TAF1: variants seen among roughly 807,000 people sequenced by gnomAD.
The protein encoded by TAF1 is transcription initiation factor TFIID subunit 1.
A neutral mutation model predicts 138.5 loss-of-function variants in TAF1; 2 were observed. The ratio of observed to expected loss-of-function variants is 0.01; its 90% CI spans 0.01 to 0.05. The LOEUF is 0.05. Among genes scored for constraint, TAF1 ranks in the 10% least tolerant of loss-of-function variants. The pLI is 1.00. For missense variants in TAF1, 709 were observed against 1,478.0 expected, an observed-to-expected ratio of 0.48 and a Z score of 8.53; for synonymous variants, 437 against 503.2, an observed-to-expected ratio of 0.87 and a Z score of 1.76.
At chrX:71,420,967 A>T (rs1045405158) in intron 28 of TAF1, among the ~76,000 whole-genome samples, 3 of 112,290 alleles carry the variant, frequency 2.7e-5, no homozygotes, top group Admixed American at 9.4e-5. Flanking sequence ...CTGCAGCCCC[A>T]GCCGCCCGCT....
At chrX:71,454,379 C>T (rs2038190221) in intron 33 of TAF1, 142 bp downstream of exon 33, 1 of 516,847 alleles carries the variant, frequency 1.9e-6, no homozygotes, top group Non-Finnish European at 3.1e-6. Flanking sequence ...GTAGGAGAAT[C>T]ATTTGAGCCT....
chrX:71,457,459 C>T (rs1309063334), intron 34 of TAF1, among the ~76,000 whole-genome samples: 3 of 112,248 alleles, frequency 2.7e-5, no homozygotes, highest in Non-Finnish European at 1.9e-5. Flanking sequence ...TAACTCTTTT[C>T]ACTTTACATT....
At chrX:71,404,197 C>A (rs1322752665) in intron 25 of TAF1, among the ~76,000 whole-genome samples, 2 of 110,825 alleles carry the variant, frequency 1.8e-5, no homozygotes, top group Non-Finnish European at 3.8e-5. Context: ...TGGTCTTGAA[C>A]TTCTGACCTC....
At chrX:71,523,043 A>C (rs1278008501) in intron 13 of TAF1, among the ~76,000 whole-genome samples, 1 of 108,885 alleles carries the variant, frequency 9.2e-6, no homozygotes, top group Non-Finnish European at 1.9e-5. Context: ...TTAGCTGCGC[A>C]TGGTGATGTG....
intron 13 of TAF1, among the ~76,000 whole-genome samples, chrX:71,509,217 G>A: frequency 1.8e-5 from 2 of 112,063 alleles, no homozygotes; most frequent in Middle Eastern, 4.6e-3. Flanking sequence ...TCTATTAACA[G>A]TGTGAAGTCT....
At position 71,401,698 on chromosome X, in the gene TAF1, T is replaced by C; in HGVS notation, c.3957T>C (p.Val1319=). ...IHNDNEELIK[V]EGTKIVLGKQ... is the part of the protein sequence containing the mutation. ...ATGATAATGAAGAACTTATCAAGGT[T>C]GAAGGGACCAAAATTGTCTTGGGGA... The change falls in exon 25 of 38, where the codon GTT becomes GTC. Residue 1319 remains valine, a synonymous_variant. Transcript: ENST00000423759. 1 of 1,211,602 alleles carries C rather than the reference T, an allele frequency of 8.3e-7. No homozygotes were observed. Among genetic ancestry groups the C allele is most frequent in the Non-Finnish European group, 1.1e-6 (1 of 895,504 alleles).
chrX:71,381,950 C>T, intron 9 of TAF1, 31 bp downstream of exon 9: 1 of 1,119,122 alleles, frequency 8.9e-7, no homozygotes, highest in South Asian at 2.4e-5. Context: ...AGTGTTTCTT[C>T]TCCTTTGAAA....
chrX:71,380,161 C>T (rs756946846), intron 8 of TAF1, among the ~76,000 whole-genome samples: 9 of 110,835 alleles, frequency 8.1e-5, no homozygotes, highest in Middle Eastern at 9.3e-3. Flanking sequence ...AGCTCATTTC[C>T]GTATGTACAG....
At chrX:71,430,223 T>C (rs1366931799) in intron 32 of TAF1, among the ~76,000 whole-genome samples, 2 of 109,523 alleles carry the variant, frequency 1.8e-5, no homozygotes, top group African/African-American at 3.3e-5. Flanking sequence ...CTACTAAAAA[T>C]ATAAAAAATT....
intron 3 of TAF1, among the ~76,000 whole-genome samples, chrX:71,369,605 C>CTTT (rs762612709): frequency 5.4e-5 from 5 of 92,197 alleles, no homozygotes; most frequent in Admixed American, 1.2e-4. Context: ...CAGTGTGTTT[C>CTTT]TTTTTTTTTT....
At position 71,430,378 on chromosome X, in the gene TAF1, C is replaced by T. The variant is rs192117152; in HGVS notation, c.4753+6140C>T. 1.9e-4 allele frequency among the ~76,000 whole-genome samples: 17 copies of T among 91,040 alleles called. 1 individual carries two copies. In the South Asian group the frequency reaches 6.8e-3, roughly 37 times the overall value. The allele number at this position is 91,040 out of a possible 115,157, so 79.1% of individuals were successfully genotyped here. A position where few individuals can be genotyped will look rare whatever the true frequency, so the allele number is the denominator to read the frequency against. ...CAGCCTGGGCAACAGAGCGAGACTCCGTCTCACAAAAAAAAAAAAAAAAAA... is the reference window on the plus strand; with the variant it reads ...CAGCCTGGGCAACAGAGCGAGACTCTGTCTCACAAAAAAAAAAAAAAAAAA... On this transcript the variant is annotated intron_variant, in intron 32 of 37. Coordinates refer to ENST00000423759, the MANE Select transcript of TAF1 (RefSeq NM_004606.5).
At chrX:71,423,077 A>G (rs200332624) in intron 29 of TAF1, 40 bp from the exon 30 acceptor site, 1 of 1,207,407 alleles carries the variant, frequency 8.3e-7, no homozygotes, top group African/African-American at 1.7e-5. Context: ...ATCACACCTT[A>G]GGGAAACCTC....
intron 32 of TAF1, among the ~76,000 whole-genome samples, chrX:71,439,916 A>T (rs969195084): frequency 8.9e-6 from 1 of 112,065 alleles, no homozygotes; most frequent in Non-Finnish European, 1.9e-5. Flanking sequence ...ATATTGGTAC[A>T]TTACTTTTAA....
chrX:71,520,290 C>T (rs2039908771), intron 13 of TAF1, among the ~76,000 whole-genome samples: 1 of 108,989 alleles, frequency 9.2e-6, no homozygotes, highest in Non-Finnish European at 1.9e-5. Context: ...ACTACAGGTG[C>T]CCGCCACCAT....
chrX:71,397,028 C>CAAAAAAA (rs745812030), intron 22 of TAF1, among the ~76,000 whole-genome samples: 1 of 30,179 alleles, frequency 3.3e-5, no homozygotes. Flanking sequence ...GATCCTGTCT[C>CAAAAAAA]AAAAAAAAAA....
Position 71,383,404 on chromosome X carries a change from T to A in TAF1, c.1947+240T>A, listed in dbSNP as rs1282828668. ...CTGTCCAGCAAAGTCTATAGAAAGA[T>A]AAAAGTTTAAAAAAATGGCGAAATA... On this transcript the variant is annotated intron_variant, in intron 12 of 37. Coordinates refer to ENST00000423759, the MANE Select transcript of TAF1 (RefSeq NM_004606.5). Among the ~76,000 whole-genome samples, 12 of 112,037 alleles carry A rather than the reference T, an allele frequency of 1.1e-4. No homozygotes were observed. In the Admixed American group the frequency reaches 1.1e-3, roughly 11 times the overall value.
chrX:71,495,650 G>C, intron 13 of TAF1, among the ~76,000 whole-genome samples: 1 of 111,558 alleles, frequency 9.0e-6, no homozygotes, highest in East Asian at 2.8e-4. Flanking sequence ...GGGATTGTAG[G>C]GTAAGGATAG....
chrX:71,444,463 A>G (rs1291038359), intron 32 of TAF1, among the ~76,000 whole-genome samples: 1 of 111,782 alleles, frequency 8.9e-6, no homozygotes, highest in Non-Finnish European at 1.9e-5. Context: ...TCACACCTGT[A>G]ATCCCAGTGC....
intron 23 of TAF1, among the ~76,000 whole-genome samples, chrX:71,397,989 G>A (rs759474527): frequency 6.2e-5 from 7 of 112,032 alleles, no homozygotes; most frequent in Admixed American, 9.5e-5. Context: ...ACGAGATGAA[G>A]GCATGTTTTG....
Sources: allele counts gnomAD v4.1 joint callset (sites outside exome capture counted in the v4.1 genomes callset), GRCh38; gene constraint gnomAD v4.1.1; transcripts MANE v1.5; gene names NCBI Gene and HGNC (gene_info 2026-07-23, HGNC 2026-07-21).